Variants in MYO16 observed in about 807,000 individuals in gnomAD.
MYO16 encodes the protein unconventional myosin-XVI.
Under a neutral mutation model 205.3 loss-of-function variants are expected in MYO16, and 94 were observed. The ratio of observed to expected loss-of-function variants is 0.46; its 90% confidence interval spans 0.39 to 0.54. MYO16 has a LOEUF of 0.54. Among genes scored for constraint, MYO16 ranks in the 20% least tolerant of loss-of-function variants. The pLI, the probability that MYO16 is intolerant of heterozygous loss-of-function variation, is 0.00. For synonymous variants in MYO16, 988 were observed against 954.0 expected (o/e 1.04, Z -0.66); for missense variants, 2,315 against 2,387.5 (o/e 0.97, Z 0.63).
chr13:108,791,547 G>A (rs1886616139), intron 5 of MYO16, among the ~76,000 whole-genome samples: 1 of 152,184 alleles, frequency 6.6e-6, no homozygotes, highest in Admixed American at 6.5e-5. Context: ...AACAGAGGCA[G>A]AGGATAAGTT....
chr13:109,151,540 A>G (rs1877664932), intron 32 of MYO16, among the ~76,000 whole-genome samples: 1 of 152,226 alleles, frequency 6.6e-6, no homozygotes, highest in South Asian at 2.1e-4. Context: ...GAATTTGTGC[A>G]TTACCTGAAG....
intron 1 of MYO16, among the ~76,000 whole-genome samples, chr13:108,617,428 T>G (rs1879387867): frequency 6.6e-6 from 1 of 152,190 alleles, no homozygotes; most frequent in Non-Finnish European, 1.5e-5. Flanking sequence ...CAGCCAATCT[T>G]ATTTGATCCC....
chr13:108,740,750 A>G (rs557733619), intron 4 of MYO16, among the ~76,000 whole-genome samples: 1 of 152,290 alleles, frequency 6.6e-6, no homozygotes, highest in African/African-American at 2.4e-5. Flanking sequence ...CTACAAAGGC[A>G]GGCAGGCCTC....
chr13:108,729,689 C>T (rs1884459851), intron 4 of MYO16, among the ~76,000 whole-genome samples: 1 of 152,162 alleles, frequency 6.6e-6, no homozygotes, highest in Non-Finnish European at 1.5e-5. Context: ...AATCCTGCTT[C>T]CATTTCCTCA....
chr13:108,711,806 C>T (rs1883733259), intron 2 of MYO16, among the ~76,000 whole-genome samples: 1 of 152,098 alleles, frequency 6.6e-6, no homozygotes, highest in Non-Finnish European at 1.5e-5. Flanking sequence ...CCATTTTGTC[C>T]AGTTGTGTGT....
intron 4 of MYO16, among the ~76,000 whole-genome samples, chr13:108,757,741 G>T (rs538085923): frequency 1.3e-4 from 20 of 151,570 alleles, no homozygotes; most frequent in Non-Finnish European, 2.2e-4. Flanking sequence ...TTGGTTTTTT[G>T]TCCTTGCGAC....
chr13:108,574,669 TTGTGTGTGTGTG>T, the MYO16 span, among the ~76,000 whole-genome samples: 20 of 136,458 alleles, frequency 1.5e-4, no homozygotes, highest in South Asian at 4.8e-4. Context: ...CAATAACAAT[TTGTGTGTGTGTG>T]TGTGTGTGTG....
intron 16 of MYO16, among the ~76,000 whole-genome samples, chr13:108,926,683 C>G (rs1882022516): frequency 6.6e-6 from 1 of 152,202 alleles, no homozygotes; most frequent in Non-Finnish European, 1.5e-5. Context: ...GATGTTTTCT[C>G]AAGCAGTTTT....
At chr13:108,926,873 A>G (rs1882030026) in intron 16 of MYO16, among the ~76,000 whole-genome samples, 1 of 152,178 alleles carries the variant, frequency 6.6e-6, no homozygotes. Context: ...TTTAAAAAAA[A>G]CATACCACAG....
At position 109,052,389 on chromosome 13, in the gene MYO16, C is replaced by A. The variant is rs536004342; in HGVS notation, c.2962C>A (p.Arg988=). Residue 988 remains arginine, a synonymous_variant, in exon 25 of 35, where the codon CGA becomes AGA. Coordinates refer to ENST00000457511, the MANE Select transcript of MYO16 (RefSeq NM_001198950.3). ...LVSAYPSFKF[R]GHKSALLSKK... ...ATCTGCCTATCCTTCCTTTAAATTC[C>A]GAGGACATAAGTCTGCCCTGCTCAG... The A allele has an allele frequency of 1.9e-6, 3 of 1,612,280 alleles. No individual in the cohort carries two copies. Among genetic ancestry groups the A allele is most frequent in the Non-Finnish European group, 1.7e-6 (2 of 1,178,698 alleles).
At chr13:108,624,576 C>T (rs117511913) in intron 1 of MYO16, among the ~76,000 whole-genome samples, 11 of 152,240 alleles carry the variant, frequency 7.2e-5, no homozygotes, top group East Asian at 3.9e-4. Context: ...ATAGTTGTAA[C>T]GCATATGCTG....
intron 33 of MYO16, among the ~76,000 whole-genome samples, chr13:109,165,283 G>T (rs914704111): frequency 1.3e-5 from 2 of 152,146 alleles, no homozygotes; most frequent in African/African-American, 4.8e-5. Flanking sequence ...AAATTTTATG[G>T]AGTGTTAATC....
At chr13:108,940,732 G>T (rs916134476) in intron 16 of MYO16, among the ~76,000 whole-genome samples, 1 of 152,182 alleles carries the variant, frequency 6.6e-6, no homozygotes, top group Non-Finnish European at 1.5e-5. Context: ...GTTAAATGAA[G>T]CACCAGCTGC....
At chr13:108,731,830 A>G (rs1444179771) in intron 4 of MYO16, among the ~76,000 whole-genome samples, 1 of 152,194 alleles carries the variant, frequency 6.6e-6, no homozygotes, top group Non-Finnish European at 1.5e-5. Flanking sequence ...CTAAATATTT[A>G]TTGAATGACT....
intron 16 of MYO16, among the ~76,000 whole-genome samples, chr13:108,948,644 C>A (rs550341724): frequency 1.6e-4 from 24 of 152,326 alleles, no homozygotes; most frequent in East Asian, 1.4e-3. Flanking sequence ...TGAATCATAT[C>A]TATTCCCACT....
chr13:109,179,576 T>G lies in MYO16; in HGVS notation c.5358T>G (p.Ser1786=). Residue 1786 remains serine, a synonymous_variant, in exon 34 of 35, where the codon TCT becomes TCG. Coordinates refer to ENST00000457511, the MANE Select transcript of MYO16 (RefSeq NM_001198950.3). ...LPEEDGYSRL[S]ISGTGTSTFQ... ...AAGAAGATGGATACTCACGGTTGTCTATAAGTGGCACAGGGACTTCGACAT... is the reference window on the plus strand; with the variant it reads ...AAGAAGATGGATACTCACGGTTGTCGATAAGTGGCACAGGGACTTCGACAT... 2 of 1,614,040 alleles carry G rather than the reference T, an allele frequency of 1.2e-6. No homozygotes were observed. Among genetic ancestry groups the G allele is most frequent in the East Asian group, 4.5e-5 (2 of 44,876 alleles).
chr13:108,931,699 T>A (rs1439853326), intron 16 of MYO16, among the ~76,000 whole-genome samples: 5 of 152,286 alleles, frequency 3.3e-5, no homozygotes, highest in Admixed American at 3.3e-4. Context: ...AATAGGTATG[T>A]GATAAAATGA....
chr13:108,778,480 G>A (rs192021505), intron 4 of MYO16, among the ~76,000 whole-genome samples: 217 of 152,298 alleles, frequency 1.4e-3, no homozygotes, highest in Non-Finnish European at 2.4e-3. Flanking sequence ...TTAGCTGGGC[G>A]TAGTGGTACA....
At chr13:108,790,218 A>G (rs1886576462) in intron 5 of MYO16, among the ~76,000 whole-genome samples, 1 of 152,218 alleles carries the variant, frequency 6.6e-6, no homozygotes, top group South Asian at 2.1e-4. Context: ...AGAGAAAAGG[A>G]AAAGTTGAAT....
Sources: allele counts gnomAD v4.1 joint callset (sites outside exome capture counted in the v4.1 genomes callset), GRCh38; gene constraint gnomAD v4.1.1; transcripts MANE v1.5; gene names NCBI Gene and HGNC (gene_info 2026-07-23, HGNC 2026-07-21).